The following SEC16A variants were observed in gnomAD, a reference collection of about 807,000 sequenced individuals.
SEC16A encodes protein transport protein Sec16A.
SEC16A carries 110 observed loss-of-function variants against 221.9 expected under a neutral mutation model. That is an observed-to-expected ratio of 0.50 (90% CI 0.42 to 0.58). The LOEUF (loss-of-function observed/expected upper bound fraction) is 0.58, where lower values mean the gene tolerates loss of function less well. SEC16A is among the 20% of genes least tolerant of loss of function. The pLI is 0.00. For synonymous variants in SEC16A, 1,393 were observed against 1,257.7 expected (o/e 1.11, Z -2.28); for missense variants, 3,165 against 3,097.8 (o/e 1.02, Z -0.52).
chr9:136,477,928 G>T (rs1268631173), intron 2 of SEC16A, among the ~76,000 whole-genome samples: 2 of 152,242 alleles, frequency 1.3e-5, no homozygotes, highest in Non-Finnish European at 2.9e-5. Context: ...AGTATGTCTA[G>T]ATGGCCACTC....
At chr9:136,483,128 C>G, upstream of SEC16A, 1 of 597,770 alleles carries the variant, frequency 1.7e-6, no homozygotes, top group Non-Finnish European at 2.1e-6. Context: ...CCCCTCGGCT[C>G]GTCGGCCCAG....
rs779752115 is a variant in SEC16A at position 136,472,120 on chromosome 9, G to A, written c.3568-9C>T. The A allele has an allele frequency of 1.2e-6, 2 of 1,613,456 alleles. No individual in the cohort carries two copies. The highest frequency in any genetic ancestry group is 2.2e-5 in the South Asian group (2 of 91,086). On this transcript the variant is annotated splice_polypyrimidine_tract_variant and intron_variant, in intron 3 of 31. Transcript: ENST00000684901. ...TAGAGGCTGTAGACATCCTGTGGGA[G>A]GAAGCATTTGGGCAGGATTAGACAC...
At chr9:136,478,000 A>G (rs10870069) in intron 2 of SEC16A, among the ~76,000 whole-genome samples, 18,177 of 152,206 alleles carry the variant, frequency 0.12, 1,396 homozygotes, top group Admixed American at 0.24. Context: ...CCACAACAAC[A>G]GGGACAGTGC....
upstream of SEC16A, chr9:136,483,456 C>G: frequency 1.2e-6 from 1 of 814,896 alleles, no homozygotes; most frequent in Non-Finnish European, 1.5e-6. Context: ...GCCCCTCGGC[C>G]GTCCTTCCCC....
At chr9:136,471,447 T>A in intron 4 of SEC16A, among the ~76,000 whole-genome samples, 1 of 152,116 alleles carries the variant, frequency 6.6e-6, no homozygotes, top group Non-Finnish European at 1.5e-5. Flanking sequence ...GCACTCCAGC[T>A]TGGACAACAG....
intron 31 of SEC16A, among the ~76,000 whole-genome samples, chr9:136,442,898 G>A (rs1036995784): frequency 1.5e-4 from 23 of 152,242 alleles, no homozygotes; most frequent in African/African-American, 4.8e-4. Context: ...TTTCTGTCAA[G>A]AAGCTATTAG....
chr9:136,484,636 G>A, upstream of SEC16A: 1 of 1,365,000 alleles, frequency 7.3e-7, no homozygotes, highest in Non-Finnish European at 9.8e-7. Flanking sequence ...CCCCAGCTGG[G>A]CCGGCGGCTG....
intron 22 of SEC16A, among the ~76,000 whole-genome samples, chr9:136,451,874 A>G (rs1193581635): frequency 6.6e-6 from 1 of 152,240 alleles, no homozygotes; most frequent in African/African-American, 2.4e-5. Context: ...TTTAAAGGGT[A>G]AAACACCTAA....
chr9:136,443,168 T>A (rs1163597857), intron 31 of SEC16A, among the ~76,000 whole-genome samples: 2 of 152,142 alleles, frequency 1.3e-5, no homozygotes, highest in Non-Finnish European at 2.9e-5. Flanking sequence ...CCAAGCACAT[T>A]TTACAAACTA....
Position 136,464,641 on chromosome 9 carries a change from A to G in SEC16A, c.4304-79T>C, listed in dbSNP as rs73670280. 2.1e-3 allele frequency: 2,695 copies of G among 1,295,914 alleles called. 35 individuals carry two copies. In the African/African-American group the frequency reaches 0.035, roughly 17 times the overall value. The allele number at this position is 1,295,914 out of a possible 1,614,324, so 80.3% of individuals were successfully genotyped here. ...GAGCCTAGATTTTCAATGTGCTCACACAGCTTAAATCACAGGTTAGATTTA... is the reference window on the plus strand; with the variant it reads ...GAGCCTAGATTTTCAATGTGCTCACGCAGCTTAAATCACAGGTTAGATTTA... On this transcript the variant is annotated intron_variant, in intron 8 of 31. Transcript: ENST00000684901.
intron 29 of SEC16A, 51 bp from the exon 30 acceptor site, chr9:136,445,162 C>T (rs1026096582): frequency 6.8e-6 from 10 of 1,463,128 alleles, no homozygotes; most frequent in South Asian, 4.8e-5. Flanking sequence ...TCAACATGCA[C>T]GTCACTGTCC....
rs768136595 is a variant in SEC16A, at chr9:136,466,049, C to T, written c.4216G>A (p.Gly1406Ser). 16 of 1,613,360 alleles carry T rather than the reference C, an allele frequency of 9.9e-6. No individual in the cohort carries two copies. Among genetic ancestry groups the T allele is most frequent in the African/African-American group, 6.7e-5 (5 of 74,934 alleles). The change falls in exon 8 of 32, where the codon GGC (glycine) becomes AGC (serine). Residue 1406 changes from glycine (G) to serine (S), a missense_variant. By Grantham distance (56) the Gly-to-Ser change is moderately conservative (BLOSUM62 0). Transcript: ENST00000684901. The surrounding 1 kb of genome is among the most constrained non-coding windows in gnomAD (Gnocchi z 5.5). ...PGSFHGDFAYGTYRSNFSSGP... is the reference protein window; with the variant it reads ...PGSFHGDFAYSTYRSNFSSGP... The stretch of plus-strand genomic sequence containing the variant: ...CTGCTGAAATTGCTGCGGTAGGTGC[C>T]GTAGGCAAAATCGCCGTGAAAGGAG...
At position 136,455,594 on chromosome 9, in the gene SEC16A, G is replaced by A; in HGVS notation, c.5857+7C>T. ...TCTGAGGGCAGCAGCCGCGCACCTGGGCTCACCTGAGGGCAGCAGCCGCAC... is the reference window on the plus strand; with the variant it reads ...TCTGAGGGCAGCAGCCGCGCACCTGAGCTCACCTGAGGGCAGCAGCCGCAC... On this transcript the variant is annotated splice_region_variant and intron_variant, in intron 20 of 31. Coordinates refer to ENST00000684901, the MANE Select transcript of SEC16A (RefSeq NM_014866.2). The A allele has an allele frequency of 6.4e-7, 1 of 1,550,992 alleles. No individual in the cohort carries two copies. The highest frequency in any genetic ancestry group is 8.7e-7 in the Non-Finnish European group (1 of 1,151,094).
chr9:136,459,915 G>A lies in SEC16A; in HGVS notation c.5074-41C>T. The A allele has an allele frequency of 3.8e-6, 6 of 1,575,364 alleles. No homozygotes were observed. The highest frequency in any genetic ancestry group is 4.3e-6 in the Non-Finnish European group (5 of 1,154,776). ...ACAAAACGAAGCCTCATCCCCGGAAGCCAGCGCCATTTCAATTCCACACAG... is the reference window on the plus strand; with the variant it reads ...ACAAAACGAAGCCTCATCCCCGGAAACCAGCGCCATTTCAATTCCACACAG... On this transcript the variant is annotated intron_variant, in intron 14 of 31. Coordinates refer to ENST00000684901, the MANE Select transcript of SEC16A (RefSeq NM_014866.2). The surrounding 1 kb of genome is among the most constrained non-coding windows in gnomAD (Gnocchi z 6.1).
chr9:136,452,017 G>A (rs1163734949), intron 22 of SEC16A, among the ~76,000 whole-genome samples: 1 of 152,176 alleles, frequency 6.6e-6, no homozygotes, highest in Non-Finnish European at 1.5e-5. Flanking sequence ...GCAAACAGAG[G>A]AGGTATTTAT....
At position 136,474,654 on chromosome 9, in the gene SEC16A, C is replaced by T. The variant is rs780878318; in HGVS notation, c.2962G>A (p.Glu988Lys). 6.2e-7 allele frequency: 1 copy of T among 1,613,620 alleles called. No homozygotes were observed. Among genetic ancestry groups the T allele is most frequent in the Non-Finnish European group, 8.5e-7 (1 of 1,179,878 alleles). Residue 988 changes from glutamate (E) to lysine (K), a missense_variant, in exon 3 of 32, where the codon GAA becomes AAA. Transcript: ENST00000684901. ...AAGTCTAGGGCTCCGTAAGTGTCTT[C>T]CTGATGACTGGAATGGTTTGCCTTA... ...GNKANHSSHQ[E>K]DTYGALDFTL...
At chr9:136,471,878 A>G in intron 4 of SEC16A, 97 bp downstream of exon 4, 1 of 1,395,020 alleles carries the variant, frequency 7.2e-7, no homozygotes, top group Non-Finnish European at 9.9e-7. Context: ...CTTCAGAAAT[A>G]CAGAACTTTT....
intron 31 of SEC16A, among the ~76,000 whole-genome samples, chr9:136,442,848 C>A (rs984798220): frequency 1.3e-5 from 2 of 152,228 alleles, no homozygotes; most frequent in African/African-American, 4.8e-5. Context: ...AGAAAGGCAG[C>A]TCCAGACGTG....
chr9:136,483,757 C>T (rs1842705988), upstream of SEC16A: 1 of 985,338 alleles, frequency 1.0e-6, no homozygotes, highest in African/African-American at 1.7e-5. Flanking sequence ...GCGCGCTCCT[C>T]GCATTCTTCC....
Sources: allele counts gnomAD v4.1 joint callset (sites outside exome capture counted in the v4.1 genomes callset), GRCh38; gene constraint gnomAD v4.1.1; non-coding constraint Gnocchi (gnomAD v3.1); transcripts MANE v1.5; gene names NCBI Gene and HGNC (gene_info 2026-07-23, HGNC 2026-07-21).